The following HDAC9 variants were observed in gnomAD, a reference collection of about 807,000 sequenced individuals.
HDAC9 encodes the protein histone deacetylase 9, also known as MEF-2 interacting transcription repressor (MITR) protein.
HDAC9 carries 41 observed loss-of-function variants against 139.4 expected under a neutral mutation model. That is an observed-to-expected ratio of 0.29 (90% confidence interval 0.23 to 0.38). The LOEUF (loss-of-function observed/expected upper bound fraction) is 0.38, where lower values mean the gene tolerates loss of function less well. Ranked by LOEUF, HDAC9 falls within the 10% of genes least tolerant of loss-of-function variation. The pLI is 1.00. For synonymous variants in HDAC9, 517 were observed against 476.2 expected (o/e 1.09, Z -1.12); for missense variants, 1,147 against 1,297.0 (o/e 0.88, Z 1.78).
intron 2 of HDAC9, among the ~76,000 whole-genome samples, chr7:18,212,261 T>G (rs898417111): frequency 6.6e-6 from 1 of 152,222 alleles, no homozygotes; most frequent in Non-Finnish European, 1.5e-5. Context: ...AAATCTGTAT[T>G]GTTATTCAGT....
Position 18,172,558 on chromosome 7 carries a change from G to A in HDAC9, c.25+10209G>A, listed in dbSNP as rs192866014. On this transcript the variant is annotated intron_variant, in intron 2 of 12. Transcript: ENST00000417496. ...CTGTGATGTTACGGTGTTGATTTTA[G>A]ATCTTTCTTGCTTTCTTTTGTGGGC... Among the ~76,000 whole-genome samples the A allele has an allele frequency of 4.6e-5, 7 of 152,220 alleles. No individual in the cohort carries two copies. In the East Asian group the frequency reaches 1.4e-3, roughly 29 times the overall value.
chr7:18,131,241 A>G (rs548758552), intron 1 of HDAC9, among the ~76,000 whole-genome samples: 3 of 152,288 alleles, frequency 2.0e-5, no homozygotes, highest in African/African-American at 7.2e-5. Context: ...TGATTTCTCA[A>G]AAGGTGAGCT....
chr7:18,864,378 A>C (rs1798333804), intron 21 of HDAC9, among the ~76,000 whole-genome samples: 1 of 151,916 alleles, frequency 6.6e-6, no homozygotes, highest in Non-Finnish European at 1.5e-5. Flanking sequence ...GGACCAGGGG[A>C]AAATGGGGAG....
chr7:18,634,849 G>A, intron 8 of HDAC9, 107 bp downstream of exon 8: 1 of 690,678 alleles, frequency 1.4e-6, no homozygotes, highest in Non-Finnish European at 2.5e-6. Flanking sequence ...TGATATTTAT[G>A]AATTGAAGTT....
At chr7:18,678,297 C>G (rs1354125880) in intron 12 of HDAC9, among the ~76,000 whole-genome samples, 1 of 151,718 alleles carries the variant, frequency 6.6e-6, no homozygotes, top group African/African-American at 2.4e-5. Context: ...TATGATGTCC[C>G]TTAATGTGGT....
At chr7:18,765,690 T>C (rs1049551527) in intron 15 of HDAC9, among the ~76,000 whole-genome samples, 1 of 152,184 alleles carries the variant, frequency 6.6e-6, no homozygotes, top group Non-Finnish European at 1.5e-5. Context: ...AATGTACATA[T>C]ATATTTTAAT....
chr7:18,622,169 A>G (rs1562616594), intron 6 of HDAC9, among the ~76,000 whole-genome samples: 2 of 152,208 alleles, frequency 1.3e-5, no homozygotes, highest in Admixed American at 6.5e-5. Context: ...AAGTTGACAG[A>G]TATCCAGTAC....
chr7:18,647,285 G>A (rs1331677293), intron 9 of HDAC9, among the ~76,000 whole-genome samples: 1 of 151,962 alleles, frequency 6.6e-6, no homozygotes, highest in Non-Finnish European at 1.5e-5. Flanking sequence ...ACATATAAAA[G>A]GTACATATAT....
intron 1 of HDAC9, among the ~76,000 whole-genome samples, chr7:18,157,885 G>T (rs75382834): frequency 6.7e-6 from 1 of 149,386 alleles, no homozygotes; most frequent in African/African-American, 2.5e-5. Context: ...GGTGTTCAAC[G>T]TGTTGGCACA....
intron 11 of HDAC9, among the ~76,000 whole-genome samples, chr7:18,659,073 C>G (rs1461162829): frequency 2.0e-5 from 3 of 151,972 alleles, no homozygotes; most frequent in Non-Finnish European, 4.4e-5. Context: ...TTGACAATGT[C>G]AGAAAATCAG....
At chr7:18,489,592 T>C (rs1796216450) in intron 1 of HDAC9, among the ~76,000 whole-genome samples, 1 of 152,016 alleles carries the variant, frequency 6.6e-6, no homozygotes, top group Non-Finnish European at 1.5e-5. Context: ...CTTGATTGTA[T>C]TGCTTCTAAA....
intron 1 of HDAC9, among the ~76,000 whole-genome samples, chr7:18,453,653 A>G (rs1239979547): frequency 2.0e-5 from 3 of 152,216 alleles, no homozygotes; most frequent in African/African-American, 7.2e-5. Context: ...TAGTTCATTA[A>G]TACTATATAA....
intron 12 of HDAC9, among the ~76,000 whole-genome samples, chr7:18,719,036 A>G (rs1784926829): frequency 6.6e-6 from 1 of 152,218 alleles, no homozygotes; most frequent in African/African-American, 2.4e-5. Flanking sequence ...GTGAGCATCT[A>G]TTCACAAGCC....
intron 2 of HDAC9, among the ~76,000 whole-genome samples, chr7:18,183,364 T>C (rs566602745): frequency 6.6e-6 from 1 of 152,230 alleles, no homozygotes; most frequent in East Asian, 1.9e-4. Context: ...AATGAACCAA[T>C]CCCTCAATCG....
chr7:18,331,115 A>G (rs1303558009), intron 1 of HDAC9, among the ~76,000 whole-genome samples: 2 of 151,704 alleles, frequency 1.3e-5, no homozygotes, highest in Admixed American at 1.3e-4. Flanking sequence ...GGTAAATGGA[A>G]AATAACAAGA....
At chr7:18,644,551 TA>T (rs1786751416) in intron 8 of HDAC9, 119 bp from the exon 9 acceptor site, 1 of 740,600 alleles carries the variant, frequency 1.4e-6, no homozygotes, top group Non-Finnish European at 2.0e-6. Flanking sequence ...ATAGAAGTCA[TA>T]AAATAAATAC....
chr7:18,892,755 C>T (rs1236304864), intron 22 of HDAC9: 1 of 151,914 alleles, frequency 6.6e-6, no homozygotes, highest in African/African-American at 2.4e-5. Flanking sequence ...GAATTATTGC[C>T]CAGAAATAAA....
intron 22 of HDAC9, among the ~76,000 whole-genome samples, chr7:18,925,293 C>G (rs1585323807): frequency 6.6e-6 from 1 of 152,100 alleles, no homozygotes; most frequent in Non-Finnish European, 1.5e-5. Flanking sequence ...ATTGATTGAC[C>G]TTTGTTGCTT....
intron 1 of HDAC9, among the ~76,000 whole-genome samples, chr7:18,443,557 T>G (rs1228259908): frequency 6.6e-6 from 1 of 152,206 alleles, no homozygotes; most frequent in Non-Finnish European, 1.5e-5. Flanking sequence ...CTAAAAAACA[T>G]GTTATGCTCT....
Sources: allele counts gnomAD v4.1 joint callset (sites outside exome capture counted in the v4.1 genomes callset), GRCh38; gene constraint gnomAD v4.1.1; transcripts MANE v1.5; gene names NCBI Gene and HGNC (gene_info 2026-07-23, HGNC 2026-07-21).